Variants in RNF167 observed in about 807,000 individuals in gnomAD.
RNF167 encodes E3 ubiquitin-protein ligase RNF167.
Under a neutral mutation model 34.8 loss-of-function variants are expected in RNF167, and 19 were observed. The ratio of observed to expected loss-of-function variants is 0.55; its 90% CI spans 0.38 to 0.80. The LOEUF is 0.80. Among genes scored for constraint, RNF167 ranks in the 30% least tolerant of loss-of-function variants. RNF167 has a pLI of 0.00. For missense variants in RNF167, 464 were observed against 447.0 expected, an observed-to-expected ratio of 1.04 and a Z score of -0.34; for synonymous variants, 200 against 170.4, an observed-to-expected ratio of 1.17 and a Z score of -1.35.
chr17:4,943,430 C>T lies in RNF167; in HGVS notation c.581C>T (p.Ala194Val). 6.2e-7 allele frequency: 1 copy of T among 1,613,702 alleles called. No individual in the cohort carries two copies. The highest frequency in any genetic ancestry group is 8.5e-7 in the Non-Finnish European group (1 of 1,179,814). Residue 194 changes from alanine (A) to valine (V), a missense_variant, in exon 8 of 10, where the codon GCT (alanine) becomes GTT (valine). Ala to Val is a moderately conservative substitution (Grantham distance 64). Coordinates refer to ENST00000262482, the MANE Select transcript of RNF167 (RefSeq NM_015528.3). ...LVLAMGAVMI[A>V]RCIQHRKRLQ... ...ATCCACCCCCGCTTCCCCCAGATAG[C>T]TCGTTGTATCCAGCACCGGAAACGG... is the stretch of plus-strand genomic sequence containing the variant.
chr17:4,942,009 GAA>G (rs1416629424), intron 3 of RNF167, among the ~76,000 whole-genome samples: 4 of 152,324 alleles, frequency 2.6e-5, no homozygotes, highest in Admixed American at 1.3e-4. Flanking sequence ...GAACTTGAGA[GAA>G]AGTGACATGG....
In RNF167 at chr17:4,941,163, T is replaced by G; in HGVS notation, c.165+6T>G. The G allele has an allele frequency of 1.2e-6, 2 of 1,609,878 alleles. No individual in the cohort carries two copies. The highest frequency in any genetic ancestry group is 1.7e-6 in the Non-Finnish European group (2 of 1,176,180). ...TGAGCCAGGAGGGCCTCCAGGTGATTTTCTTTCTTTTCTTTTCCTCCTTCC... is the reference window on the plus strand; with the variant it reads ...TGAGCCAGGAGGGCCTCCAGGTGATGTTCTTTCTTTTCTTTTCCTCCTTCC... On this transcript the variant is annotated splice_donor_region_variant and intron_variant, in intron 3 of 9. Coordinates refer to ENST00000262482, the MANE Select transcript of RNF167 (RefSeq NM_015528.3).
chr17:4,943,124 T>C, intron 6 of RNF167, 55 bp from the exon 7 acceptor site: 1 of 1,513,772 alleles, frequency 6.6e-7, no homozygotes. Flanking sequence ...TTTGTCCCTC[T>C]TTTTTTCTCC....
intron 8 of RNF167, among the ~76,000 whole-genome samples, chr17:4,944,166 G>A (rs1278875668): frequency 6.6e-6 from 1 of 152,204 alleles, no homozygotes; most frequent in Non-Finnish European, 1.5e-5. Context: ...GCTTATAGGG[G>A]ATGTGGACAG....
At chr17:4,941,264 G>A in intron 3 of RNF167, 107 bp downstream of exon 3, 1 of 1,057,808 alleles carries the variant, frequency 9.5e-7, no homozygotes, top group Non-Finnish European at 1.4e-6. Context: ...TGGGGTTGGG[G>A]AGGTTTGTCC....
In RNF167 at chr17:4,945,060, C is replaced by T. The variant is rs9895617; in HGVS notation, c.*44C>T. ...CCTCTGGTGACCTATTTGCACAGAC[C>T]GTCGTCTTCCCTCCAGTCTTCTGAG... On this transcript the variant is annotated 3_prime_UTR_variant, in exon 10 of 10. Transcript: ENST00000262482. The T allele has an allele frequency of 3.6e-4, 529 of 1,459,156 alleles. 1 individual carries two copies. The African/African-American group carries it at 4.5e-3, about 12-fold the overall frequency. 90.4% of individuals were successfully genotyped at this position (1,459,156 alleles called of 1,614,324 possible).
At position 4,944,756 on chromosome 17, in the gene RNF167, CG is replaced by C; in HGVS notation, c.795del (p.Lys266ArgfsTer59). 6.2e-6 allele frequency: 10 copies of C among 1,613,354 alleles called. No individual in the cohort carries two copies. The highest frequency in any genetic ancestry group is 8.5e-6 in the Non-Finnish European group (10 of 1,179,620). Reference protein sequence around the residue: ...RCVDPWLTQTRKTCPICKQPV... With the variant: ...RCVDPWLTQTXKTCPICKQPV... ...CGTGGACCCCTGGCTCACTCAGACC[CG>C]GAAGACCTGCCCCATTTGCAAGCAG... On this transcript the variant is annotated frameshift_variant, in exon 10 of 10. Coordinates refer to ENST00000262482, the MANE Select transcript of RNF167 (RefSeq NM_015528.3). LOFTEE classifies it high-confidence loss of function.
chr17:4,945,088 A>C lies in RNF167; in HGVS notation c.*72A>C. 7.5e-7 allele frequency: 1 copy of C among 1,335,230 alleles called. No individual in the cohort carries two copies. The highest frequency in any genetic ancestry group is 2.5e-5 in the Admixed American group (1 of 40,134). The allele number at this position is 1,335,230 out of a possible 1,614,324, so 82.7% of individuals were successfully genotyped here. A position where few individuals can be genotyped will look rare whatever the true frequency, so the allele number is the denominator to read the frequency against. Reference sequence around the variant, plus strand: ...CGTCTTCCCTCCAGTCTTCTGAGGGATAGGGGACATTCCATCCCAAGCTTC... The same window carrying C: ...CGTCTTCCCTCCAGTCTTCTGAGGGCTAGGGGACATTCCATCCCAAGCTTC... On this transcript the variant is annotated 3_prime_UTR_variant, in exon 10 of 10. Transcript: ENST00000262482.
At chr17:4,943,653 A>T in intron 8 of RNF167, 134 bp downstream of exon 8, 1 of 741,540 alleles carries the variant, frequency 1.3e-6, no homozygotes, top group Non-Finnish European at 2.3e-6. Flanking sequence ...AGTGCCTCTA[A>T]TCCCAGTACT....
chr17:4,943,364 G>C (rs1412992400), intron 7 of RNF167, 62 bp from the exon 8 acceptor site: 1 of 1,584,500 alleles, frequency 6.3e-7, no homozygotes, highest in Non-Finnish European at 8.6e-7. Flanking sequence ...GATGGGAGTG[G>C]CTTGTCCTAG....
At position 4,941,168 on chromosome 17, in the gene RNF167, T is replaced by G. The variant is rs1230290345; in HGVS notation, c.165+11T>G. The G allele has an allele frequency of 1.9e-6, 3 of 1,608,774 alleles. No homozygotes were observed. On this transcript the variant is annotated intron_variant, in intron 3 of 9. Coordinates refer to ENST00000262482, the MANE Select transcript of RNF167 (RefSeq NM_015528.3). ...CAGGAGGGCCTCCAGGTGATTTTCTTTCTTTTCTTTTCCTCCTTCCCTCCC... is the reference window on the plus strand; with the variant it reads ...CAGGAGGGCCTCCAGGTGATTTTCTGTCTTTTCTTTTCCTCCTTCCCTCCC...
chr17:4,944,694 TCA>T lies in RNF167; in HGVS notation c.752-19_752-18del, dbSNP rs1567662195. 2 of 1,614,072 alleles carry T rather than the reference TCA, an allele frequency of 1.2e-6. No individual in the cohort carries two copies. The highest frequency in any genetic ancestry group is 1.1e-5 in the South Asian group (1 of 91,082). ...CTGCCACCAGCAGCCACCAGGTGCT[TCA>T]CCTTGTTCCTCTCTGCAGCCTACCA... On this transcript the variant is annotated intron_variant, in intron 9 of 9. Coordinates refer to ENST00000262482, the MANE Select transcript of RNF167 (RefSeq NM_015528.3).
rs1337129768 is a variant in RNF167, at chr17:4,941,096, G to A, written c.104G>A (p.Ser35Asn). 1.2e-6 allele frequency: 2 copies of A among 1,614,250 alleles called. No homozygotes were observed. The highest frequency in any genetic ancestry group is 1.1e-5 in the South Asian group (1 of 91,082). Reference protein sequence around the residue: ...LIRATSDHNASMDFADLPALF... With the variant: ...LIRATSDHNANMDFADLPALF... The stretch of plus-strand genomic sequence containing the variant: ...CCGCAGACCTCGGACCACAATGCCA[G>A]CATGGACTTTGCAGACCTTCCAGCT... The change falls in exon 3 of 10, where the codon AGC becomes AAC. Residue 35 changes from serine to asparagine, a missense_variant. Physicochemically the swap from Ser to Asn is conservative, Grantham distance 46. Coordinates refer to ENST00000262482, the MANE Select transcript of RNF167 (RefSeq NM_015528.3).
chr17:4,944,805 A>T lies in RNF167; in HGVS notation c.842A>T (p.Asp281Val). The part of the protein sequence containing the change: ...CKQPVHRGPG[D>V]EDQEEETQGQ... ...CAGCCTGTTCATCGGGGTCCTGGGG[A>T]CGAAGACCAAGAGGAAGAAACTCAA... Residue 281 changes from aspartate (D) to valine (V), a missense_variant, in exon 10 of 10, where the codon GAC becomes GTC. Physicochemically the swap from Asp to Val is radical, Grantham distance 152. Transcript: ENST00000262482. The T allele has an allele frequency of 6.2e-7, 1 of 1,612,260 alleles. No individual in the cohort carries two copies. Among genetic ancestry groups the T allele is most frequent in the Non-Finnish European group, 8.5e-7 (1 of 1,179,058 alleles).
rs751935165 is a variant in RNF167 at position 4,941,154 on chromosome 17, C to T, written c.162C>T (p.Leu54=). 1.2e-6 allele frequency: 2 copies of T among 1,613,274 alleles called. No individual in the cohort carries two copies. The highest frequency in any genetic ancestry group is 1.3e-5 in the African/African-American group (1 of 74,926). ...GGGCTACCTTGAGCCAGGAGGGCCT[C>T]CAGGTGATTTTCTTTCTTTTCTTTT... ...LFGATLSQEG[L]QGFLVEAHPD... The change falls in exon 3 of 10, where the codon CTC becomes CTT. Residue 54 remains leucine (L), a synonymous_variant. Transcript: ENST00000262482.
chr17:4,941,343 G>A (rs1380049456), intron 3 of RNF167, among the ~76,000 whole-genome samples, 186 bp downstream of exon 3: 2 of 152,144 alleles, frequency 1.3e-5, no homozygotes, highest in African/African-American at 4.8e-5. Context: ...CCAGAATCTA[G>A]AGGGAGAAGA....
At chr17:4,941,216 T>C (rs929152691) in intron 3 of RNF167, 59 bp downstream of exon 3, 1 of 1,511,210 alleles carries the variant, frequency 6.6e-7, no homozygotes. Context: ...CTGTCTTTTT[T>C]CTTTTTTTAG....
intron 3 of RNF167, among the ~76,000 whole-genome samples, chr17:4,941,846 G>C (rs552138062): frequency 2.0e-4 from 30 of 152,266 alleles, no homozygotes; most frequent in African/African-American, 6.7e-4. Context: ...GAAACCGGAA[G>C]GTGGAGGTTG....
Position 4,943,528 on chromosome 17 carries a change from G to T in RNF167, c.670+9G>T. ...ACATGACTATCAGAAGGGTGAGGGG[G>T]TTAGGGGAGAAGAGGGCTTTTCCCA... On this transcript the variant is annotated intron_variant, in intron 8 of 9. Coordinates refer to ENST00000262482, the MANE Select transcript of RNF167 (RefSeq NM_015528.3). 6.2e-7 allele frequency: 1 copy of T among 1,604,914 alleles called. No individual in the cohort carries two copies. Among genetic ancestry groups the T allele is most frequent in the Non-Finnish European group, 8.5e-7 (1 of 1,172,364 alleles).
Sources: gnomAD v4.1 joint callset for allele counts (sites outside exome capture counted in the v4.1 genomes callset) on GRCh38, gnomAD v4.1.1 for gene constraint, MANE v1.5 for transcripts, NCBI Gene and HGNC (gene_info 2026-07-23, HGNC 2026-07-21) for gene names.